Variants in PRKCE observed in about 807,000 individuals in gnomAD.
PRKCE encodes protein kinase C epsilon type.
In PRKCE, 16 loss-of-function variants were observed where a neutral mutation model predicts 85.4. The observed-to-expected ratio is 0.19, with a 90% CI of 0.13 to 0.28. The LOEUF (loss-of-function observed/expected upper bound fraction) is 0.28. Ranked by LOEUF, PRKCE falls within the 10% of genes least tolerant of loss-of-function variation. The pLI, the probability that PRKCE is intolerant of heterozygous loss-of-function variation, is 1.00. For synonymous variants in PRKCE, 388 were observed against 371.5 expected, an observed-to-expected ratio of 1.04 and a Z score of -0.51; for missense variants, 573 against 975.2, an observed-to-expected ratio of 0.59 and a Z score of 5.49.
intron 10 of PRKCE, among the ~76,000 whole-genome samples, chr2:46,038,978 A>G (rs532442325): frequency 1.3e-5 from 2 of 152,198 alleles, no homozygotes; most frequent in Non-Finnish European, 2.9e-5. Context: ...GATGTAATTT[A>G]TCTAGTTCCT....
chr2:45,941,441 T>A, intron 2 of PRKCE, among the ~76,000 whole-genome samples: 1 of 152,144 alleles, frequency 6.6e-6, no homozygotes, highest in East Asian at 1.9e-4. Flanking sequence ...CTTATTACTC[T>A]TTGGAATGGG....
rs766025674 is a variant in PRKCE, at chr2:46,139,674, A to G, written c.1593-5419A>G. On this transcript the variant is annotated intron_variant, in intron 11 of 14. Coordinates refer to ENST00000306156, the MANE Select transcript of PRKCE (RefSeq NM_005400.3). The surrounding 1 kb of genome is among the most constrained non-coding windows in gnomAD (Gnocchi z 5.2). ...ACAGAATATATAGAGGAACATATAT[A>G]TATATATGCGTATATATATGTGTGT... Among the ~76,000 whole-genome samples, 54 of 149,562 alleles carry G rather than the reference A, an allele frequency of 3.6e-4. No individual in the cohort carries two copies. Among genetic ancestry groups the G allele is most frequent in the Non-Finnish European group, 5.3e-4 (36 of 67,976 alleles).
At chr2:45,829,814 C>G (rs1243628359) in intron 1 of PRKCE, among the ~76,000 whole-genome samples, 2 of 152,094 alleles carry the variant, frequency 1.3e-5, no homozygotes, top group Admixed American at 6.5e-5. Flanking sequence ...TGGCTCACGC[C>G]TGTAATCCCA....
chr2:46,105,861 T>C (rs954646716), intron 11 of PRKCE, among the ~76,000 whole-genome samples: 1 of 152,264 alleles, frequency 6.6e-6, no homozygotes, highest in Non-Finnish European at 1.5e-5. Flanking sequence ...GACTACATAC[T>C]GCATCATTAC....
At chr2:45,798,767 C>CTT (rs56020595) in intron 1 of PRKCE, among the ~76,000 whole-genome samples, 6 of 143,944 alleles carry the variant, frequency 4.2e-5, no homozygotes, top group Non-Finnish European at 9.2e-5. Flanking sequence ...ACAGAAGTGG[C>CTT]TTTTTTTTTT....
At position 46,145,276 on chromosome 2, in the gene PRKCE, C is replaced by T. The variant is rs368991824; in HGVS notation, c.1731+45C>T. ...GTTCACCTCCTCCTGGTGCCAGGACCGAGGCAGGGGTCCAAACCCATGCAC... is the reference window on the plus strand; with the variant it reads ...GTTCACCTCCTCCTGGTGCCAGGACTGAGGCAGGGGTCCAAACCCATGCAC... On this transcript the variant is annotated intron_variant, in intron 12 of 14. Transcript: ENST00000306156. The surrounding 1 kb of genome is among the most constrained non-coding windows in gnomAD (Gnocchi z 4.6). 50 of 1,596,650 alleles carry T rather than the reference C, an allele frequency of 3.1e-5. No individual in the cohort carries two copies. The highest frequency in any genetic ancestry group is 5.3e-5 in the African/African-American group (4 of 74,790).
At chr2:46,128,966 G>T (rs1203856930) in intron 11 of PRKCE, among the ~76,000 whole-genome samples, 7 of 152,232 alleles carry the variant, frequency 4.6e-5, no homozygotes, top group Non-Finnish European at 1.5e-5. Flanking sequence ...GGAGCTCAGG[G>T]CTTCTCAGGA....
intron 1 of PRKCE, 100 bp from the exon 2 acceptor site, chr2:45,842,900 G>C: frequency 9.4e-7 from 1 of 1,066,600 alleles, no homozygotes; most frequent in South Asian, 1.3e-5. Flanking sequence ...ACATGGAGCT[G>C]TGTCTCTAGG....
At chr2:45,927,398 C>G (rs369342387) in intron 2 of PRKCE, among the ~76,000 whole-genome samples, 1 of 152,228 alleles carries the variant, frequency 6.6e-6, no homozygotes, top group East Asian at 1.9e-4. Flanking sequence ...TCATTGCAAT[C>G]TTCCTATGAA....
At chr2:45,704,790 T>C (rs1409363347) in intron 1 of PRKCE, among the ~76,000 whole-genome samples, 1 of 152,180 alleles carries the variant, frequency 6.6e-6, no homozygotes, top group Non-Finnish European at 1.5e-5. Context: ...GCCTAAGAAA[T>C]GATAATAACA....
At chr2:45,966,274 A>C (rs1701722848) in intron 2 of PRKCE, among the ~76,000 whole-genome samples, 1 of 152,194 alleles carries the variant, frequency 6.6e-6, no homozygotes, top group African/African-American at 2.4e-5. Flanking sequence ...ACATGACCGC[A>C]GGTGCCTGTG....
intron 1 of PRKCE, among the ~76,000 whole-genome samples, chr2:45,811,640 G>A (rs1688660594): frequency 1.3e-5 from 2 of 152,154 alleles, no homozygotes; most frequent in Admixed American, 1.3e-4. Flanking sequence ...AAAAAACACT[G>A]AAGTTGATCT....
At chr2:45,885,684 A>G (rs1695244953) in intron 2 of PRKCE, among the ~76,000 whole-genome samples, 1 of 152,208 alleles carries the variant, frequency 6.6e-6, no homozygotes, top group Non-Finnish European at 1.5e-5. Context: ...TTCTCTAGCC[A>G]AAGCAAACAC....
At chr2:45,874,125 A>C (rs937274158) in intron 2 of PRKCE, among the ~76,000 whole-genome samples, 4 of 152,238 alleles carry the variant, frequency 2.6e-5, no homozygotes, top group African/African-American at 9.6e-5. Flanking sequence ...CACAAGTTCT[A>C]TGAAGTCACA....
At chr2:46,076,198 C>G (rs1423903370) in intron 10 of PRKCE, among the ~76,000 whole-genome samples, 1 of 152,204 alleles carries the variant, frequency 6.6e-6, no homozygotes, top group Non-Finnish European at 1.5e-5. Context: ...TCCTGCTTAA[C>G]TTTAGATGCT....
At chr2:45,980,807 T>G (rs1399362651) in intron 5 of PRKCE, among the ~76,000 whole-genome samples, 1 of 152,114 alleles carries the variant, frequency 6.6e-6, no homozygotes. Flanking sequence ...AAGGAATACT[T>G]AGGAGGCGGC....
chr2:46,032,491 C>CCA (rs1340174526), intron 10 of PRKCE, among the ~76,000 whole-genome samples: 2 of 152,210 alleles, frequency 1.3e-5, no homozygotes, highest in African/African-American at 4.8e-5. Context: ...CTCTTTACCC[C>CCA]CAGCCTTCCA....
chr2:45,760,417 C>T (rs1041688946), intron 1 of PRKCE, among the ~76,000 whole-genome samples: 5 of 152,182 alleles, frequency 3.3e-5, no homozygotes, highest in Non-Finnish European at 7.3e-5. Flanking sequence ...ACCAACTCTT[C>T]AGGGGAGGCA....
intron 1 of PRKCE, among the ~76,000 whole-genome samples, chr2:45,796,919 C>T (rs576400070): frequency 1.3e-5 from 2 of 152,220 alleles, no homozygotes; most frequent in African/African-American, 4.8e-5. Context: ...TGTCCAGCCA[C>T]CTTGAGGATT....
Sources: gnomAD v4.1 joint callset for allele counts (sites outside exome capture counted in the v4.1 genomes callset) on GRCh38, gnomAD v4.1.1 for gene constraint, Gnocchi (gnomAD v3.1) non-coding constraint, MANE v1.5 for transcripts, NCBI Gene and HGNC (gene_info 2026-07-23, HGNC 2026-07-21) for gene names.